Variants in NUP133 observed in about 807,000 individuals in gnomAD.
NUP133 encodes nuclear pore complex protein Nup133.
Under a neutral mutation model 146.2 loss-of-function variants are expected in NUP133, and 66 were observed. The observed-to-expected ratio is 0.45, with a 90% CI of 0.37 to 0.55. The LOEUF (loss-of-function observed/expected upper bound fraction) is 0.55. NUP133 is among the 20% of genes least tolerant of loss of function. NUP133 has a pLI of 0.00. For missense variants in NUP133, 1,277 were observed against 1,374.8 expected (o/e 0.93, Z 1.12); for synonymous variants, 521 against 498.8 (o/e 1.04, Z -0.59).
intron 1 of NUP133, among the ~76,000 whole-genome samples, chr1:229,506,818 C>CT (rs1182918428): frequency 1.5e-5 from 1 of 64,856 alleles, no homozygotes. Context: ...GACCCTGTCT[C>CT]TTTAAAAAAA....
chr1:229,502,161 G>A lies in NUP133; in HGVS notation c.302-59C>T, dbSNP rs557586303. 80 of 1,284,280 alleles carry A rather than the reference G, an allele frequency of 6.2e-5. No individual in the cohort carries two copies. The East Asian group carries it at 6.7e-4, about 11-fold the overall frequency. The allele number at this position is 1,284,280 out of a possible 1,614,324, so 79.6% of individuals were successfully genotyped here. A position where few individuals can be genotyped will look rare whatever the true frequency, so the allele number is the denominator to read the frequency against. ...ATAGTATAAATCTTTATTACCACAC[G>A]CTTTATCAAAAAAAAGTAATTGGCA... On this transcript the variant is annotated intron_variant, in intron 2 of 25. Transcript: ENST00000261396.
chr1:229,456,875 T>C (rs1016106167), intron 21 of NUP133, among the ~76,000 whole-genome samples: 3 of 151,698 alleles, frequency 2.0e-5, no homozygotes, highest in African/African-American at 7.3e-5. Flanking sequence ...TTGCCCCAGC[T>C]GGAGGGCAGT....
chr1:229,475,588 G>T (rs1446874882), intron 14 of NUP133, 50 bp downstream of exon 14: 3 of 1,354,756 alleles, frequency 2.2e-6, no homozygotes, highest in Non-Finnish European at 1.1e-6. Flanking sequence ...CCACTGTGTT[G>T]GAGAGACTGC....
Position 229,506,070 on chromosome 1 carries a change from T to C in NUP133, c.271A>G (p.Lys91Glu), listed in dbSNP as rs755383870. The C allele has an allele frequency of 6.2e-7, 1 of 1,610,908 alleles. No individual in the cohort carries two copies. Among genetic ancestry groups the C allele is most frequent in the Admixed American group, 1.7e-5 (1 of 60,010 alleles). The change falls in exon 2 of 26, where the codon AAA becomes GAA. Residue 91 changes from lysine to glutamate, a missense_variant. Around this residue, in one of 3 missense-constraint regions of NUP133, gnomAD observed 319 missense variants for 306.9 expected, o/e 1.04. Transcript: ENST00000261396. ...GCCAATGTTAGGGCTTCCATGACTT[T>C]AACAGGAAGAGAAGATCCAAACGTT... Reference protein sequence around the residue: ...VKTFGSSLPVKVMEALTLAEV... With the variant: ...VKTFGSSLPVEVMEALTLAEV...
At position 229,450,615 on chromosome 1, in the gene NUP133, G is replaced by A; in HGVS notation, c.3100-10C>T. On this transcript the variant is annotated splice_polypyrimidine_tract_variant and intron_variant, in intron 22 of 25. Transcript: ENST00000261396. Reference sequence around the variant, plus strand: ...CTTCACAGATATATAGCTATGACAAGTTAAAATAAGGTAGAAGATTATACA... The same window carrying A: ...CTTCACAGATATATAGCTATGACAAATTAAAATAAGGTAGAAGATTATACA... 3.6e-6 allele frequency: 5 copies of A among 1,380,026 alleles called. No homozygotes were observed. Among genetic ancestry groups the A allele is most frequent in the Non-Finnish European group, 5.1e-6 (5 of 987,272 alleles). 85.5% of individuals were successfully genotyped at this position (1,380,026 alleles called of 1,614,324 possible).
chr1:229,459,004 A>C (rs1026849279), intron 20 of NUP133, among the ~76,000 whole-genome samples: 4 of 152,216 alleles, frequency 2.6e-5, no homozygotes, highest in Non-Finnish European at 5.9e-5. Flanking sequence ...TTTTAAATTT[A>C]AAAAAATTAT....
chr1:229,465,448 T>A lies in NUP133; in HGVS notation c.2271A>T (p.Glu757Asp). ...NSLYRREESLEKEPEYVPWTA... is the reference protein window; with the variant it reads ...NSLYRREESLDKEPEYVPWTA... Reference sequence around the variant, plus strand: ...TCCATGGAACATATTCAGGTTCTTTTTCTAGTGATTCTTCTCTTCTATACA... The same window carrying A: ...TCCATGGAACATATTCAGGTTCTTTATCTAGTGATTCTTCTCTTCTATACA... The change falls in exon 17 of 26, where the codon GAA becomes GAT. Residue 757 changes from glutamate to aspartate, a missense_variant. By Grantham distance (45) the Glu-to-Asp change is conservative. Transcript: ENST00000261396. 1 of 1,613,294 alleles carries A rather than the reference T, an allele frequency of 6.2e-7. No individual in the cohort carries two copies. Among genetic ancestry groups the A allele is most frequent in the South Asian group, 1.1e-5 (1 of 91,056 alleles).
intron 16 of NUP133, 22 bp downstream of exon 16, chr1:229,466,612 A>C: frequency 1.9e-6 from 3 of 1,613,630 alleles, no homozygotes; most frequent in Non-Finnish European, 2.5e-6. Flanking sequence ...GATTTGCTGA[A>C]GCCTTTACTA....
chr1:229,474,800 T>C (rs1413654921), intron 14 of NUP133, among the ~76,000 whole-genome samples: 1 of 152,022 alleles, frequency 6.6e-6, no homozygotes, highest in African/African-American at 2.4e-5. Context: ...ACTACTGAGT[T>C]TGAAAAACAA....
At chr1:229,502,489 G>A (rs1312897475) in intron 2 of NUP133, among the ~76,000 whole-genome samples, 3 of 149,008 alleles carry the variant, frequency 2.0e-5, no homozygotes, top group Non-Finnish European at 4.4e-5. Context: ...AACCTGGGAG[G>A]TGGAGGTTCC....
Position 229,449,873 on chromosome 1 carries a change from A to T in NUP133, c.3180+652T>A, listed in dbSNP as rs866269592. Among the ~76,000 whole-genome samples, 560 of 85,874 alleles carry T rather than the reference A, an allele frequency of 6.5e-3. 9 individuals carry two copies. The highest frequency in any genetic ancestry group is 7.3e-3 in the Non-Finnish European group (348 of 47,734). 56.3% of individuals were successfully genotyped at this position (85,874 alleles called of 152,430 possible). A position where few individuals can be genotyped will look rare whatever the true frequency, so the allele number is the denominator to read the frequency against. ...ATTTTATATATATATATATATATAT[A>T]TTTTTTTTTTTTTTTTTTTTTTTTT... is the stretch of plus-strand genomic sequence containing the variant. On this transcript the variant is annotated intron_variant, in intron 23 of 25. Coordinates refer to ENST00000261396, the MANE Select transcript of NUP133 (RefSeq NM_018230.3).
At chr1:229,502,746 T>C (rs1661836672) in intron 2 of NUP133, among the ~76,000 whole-genome samples, 2 of 149,870 alleles carry the variant, frequency 1.3e-5, no homozygotes, top group Non-Finnish European at 3.0e-5. Flanking sequence ...GAGGCCACCC[T>C]GGGAGGACTG....
At chr1:229,469,953 G>A (rs1044302129) in intron 15 of NUP133, among the ~76,000 whole-genome samples, 3 of 152,214 alleles carry the variant, frequency 2.0e-5, no homozygotes, top group African/African-American at 7.2e-5. Flanking sequence ...TTGAAGCCAG[G>A]AGGCAGAGGT....
At chr1:229,445,100 G>T in intron 24 of NUP133, 98 bp from the exon 25 acceptor site, 1 of 860,778 alleles carries the variant, frequency 1.2e-6, no homozygotes, top group Middle Eastern at 2.3e-4. Context: ...ATGGCTGTGG[G>T]GGATGGAGAA....
intron 21 of NUP133, among the ~76,000 whole-genome samples, chr1:229,457,200 T>C (rs1660589746): frequency 6.6e-6 from 1 of 152,178 alleles, no homozygotes. Flanking sequence ...AATACATGTA[T>C]ATGTTGTGTA....
intron 2 of NUP133, among the ~76,000 whole-genome samples, chr1:229,504,380 C>T (rs780802917): frequency 2.1e-4 from 32 of 152,242 alleles, no homozygotes; most frequent in Non-Finnish European, 4.3e-4. Flanking sequence ...AGAATTCAAG[C>T]CTTAATAAAA....
intron 12 of NUP133, among the ~76,000 whole-genome samples, chr1:229,480,339 C>T (rs557766456): frequency 5.3e-5 from 8 of 152,124 alleles, no homozygotes; most frequent in East Asian, 1.9e-4. Flanking sequence ...CTCTTGAAAG[C>T]GTGAAAGGCC....
chr1:229,451,513 A>G (rs1044902673), intron 22 of NUP133, among the ~76,000 whole-genome samples: 2 of 152,212 alleles, frequency 1.3e-5, no homozygotes, highest in Non-Finnish European at 2.9e-5. Flanking sequence ...ATTACAGCTG[A>G]CTGCATACTC....
chr1:229,468,128 C>A (rs910220035), intron 15 of NUP133, among the ~76,000 whole-genome samples: 6 of 152,026 alleles, frequency 3.9e-5, no homozygotes, highest in Non-Finnish European at 7.4e-5. Flanking sequence ...CAAGGCCTTC[C>A]CAAACTGGAG....
Sources: gnomAD v4.1 joint callset for allele counts (sites outside exome capture counted in the v4.1 genomes callset) on GRCh38, gnomAD v4.1.1 for gene constraint, gnomAD v4.1.1 regional missense constraint, MANE v1.5 for transcripts, NCBI Gene and HGNC (gene_info 2026-07-23, HGNC 2026-07-21) for gene names.